Variants in RBM19 observed in about 807,000 individuals in gnomAD.
RBM19 encodes probable RNA-binding protein 19.
Under a neutral mutation model 116.8 loss-of-function variants are expected in RBM19, and 94 were observed. The observed-to-expected ratio is 0.80, with a 90% confidence interval of 0.68 to 0.95. The LOEUF (loss-of-function observed/expected upper bound fraction) is 0.95, where lower values mean the gene tolerates loss of function less well. Ranked by LOEUF, RBM19 falls within the 40% of genes least tolerant of loss-of-function variation. The pLI is 0.00. For synonymous variants in RBM19, 475 were observed against 494.1 expected (o/e 0.96, Z 0.51); for missense variants, 1,161 against 1,220.7 (o/e 0.95, Z 0.73).
intron 18 of RBM19, among the ~76,000 whole-genome samples, chr12:113,924,001 T>C (rs1174319022): frequency 1.3e-5 from 2 of 152,202 alleles, no homozygotes; most frequent in Non-Finnish European, 2.9e-5. Context: ...GGCTGACACA[T>C]GTAGCATTCC....
At chr12:113,914,294 C>A (rs1882634683) in intron 21 of RBM19, among the ~76,000 whole-genome samples, 1 of 152,260 alleles carries the variant, frequency 6.6e-6, no homozygotes, top group Non-Finnish European at 1.5e-5. Flanking sequence ...CCCCACCCAG[C>A]CTGCTGCCGT....
Position 113,957,802 on chromosome 12 carries a change from GTC to G in RBM19, c.818_819del (p.Arg273ThrfsTer59), listed in dbSNP as rs759321466. ...QEQGMPAGKK[R>X]PPEARAETEK... ...CGCACCTCGGCTCTGGCCTCCGGTG[GTC>G]TCTTTTTCCCAGCTGGCATCCCTTG... is the stretch of plus-strand genomic sequence containing the variant. On this transcript the variant is annotated frameshift_variant, in exon 6 of 24. Transcript: ENST00000261741. LOFTEE classifies it high-confidence loss of function. The G allele has an allele frequency of 6.2e-7, 1 of 1,601,528 alleles. No homozygotes were observed. Among genetic ancestry groups the G allele is most frequent in the South Asian group, 1.1e-5 (1 of 89,494 alleles).
At chr12:113,862,751 CCA>C (rs1424169482) in intron 21 of RBM19, among the ~76,000 whole-genome samples, 2 of 152,114 alleles carry the variant, frequency 1.3e-5, no homozygotes, top group African/African-American at 2.4e-5. Flanking sequence ...GAGATGCACA[CCA>C]CACTCCCCAC....
At chr12:113,943,723 T>C (rs993234906) in intron 13 of RBM19, among the ~76,000 whole-genome samples, 5 of 152,070 alleles carry the variant, frequency 3.3e-5, no homozygotes, top group African/African-American at 1.2e-4. Context: ...CTTGGGAGGC[T>C]GAGGCTGGAG....
At chr12:113,819,037 T>C (rs1874248975), downstream of RBM19, among the ~76,000 whole-genome samples, 1 of 152,210 alleles carries the variant, frequency 6.6e-6, no homozygotes, top group Admixed American at 6.5e-5. Flanking sequence ...AGGCGCCCGC[T>C]AGTGCCCACT....
intron 20 of RBM19, among the ~76,000 whole-genome samples, chr12:113,917,400 G>A (rs915604809): frequency 3.9e-5 from 6 of 152,150 alleles, no homozygotes; most frequent in Non-Finnish European, 8.8e-5. Flanking sequence ...CTACAGGTGT[G>A]GGGCTCAAAG....
chr12:113,885,943 A>G (rs938445879), intron 21 of RBM19, among the ~76,000 whole-genome samples: 1 of 140,518 alleles, frequency 7.1e-6, no homozygotes, highest in Admixed American at 7.9e-5. Context: ...ATCTTGGCTC[A>G]CTGCAAGCTC....
chr12:113,950,530 C>G (rs1314050719), intron 8 of RBM19, among the ~76,000 whole-genome samples: 1 of 152,182 alleles, frequency 6.6e-6, no homozygotes, highest in African/African-American at 2.4e-5. Flanking sequence ...CTGGAAGCAC[C>G]TTCTCCACAC....
At chr12:113,914,062 C>T (rs911775953) in intron 21 of RBM19, among the ~76,000 whole-genome samples, 2 of 152,226 alleles carry the variant, frequency 1.3e-5, no homozygotes, top group African/African-American at 2.4e-5. Context: ...ATCTGAAAAG[C>T]CAAACACTGT....
intron 21 of RBM19, among the ~76,000 whole-genome samples, chr12:113,891,711 C>T (rs959806126): frequency 6.6e-6 from 1 of 152,182 alleles, no homozygotes; most frequent in Non-Finnish European, 1.5e-5. Context: ...AGCTACTGCT[C>T]TGCTATATTA....
chr12:113,908,031 G>A (rs1387560025), intron 21 of RBM19, among the ~76,000 whole-genome samples: 3 of 152,146 alleles, frequency 2.0e-5, no homozygotes, highest in African/African-American at 4.8e-5. Flanking sequence ...GACACCTGGG[G>A]TCAGCCTCAT....
rs986904479 is a variant in RBM19, at chr12:113,912,203, G to A, written c.2558+2766C>T. ...GCCTTCTCTCCCCTCCAGCAGGCGGGGTAGCTTGAGGCCCTGCCCAGAGAA... is the reference window on the plus strand; with the variant it reads ...GCCTTCTCTCCCCTCCAGCAGGCGGAGTAGCTTGAGGCCCTGCCCAGAGAA... On this transcript the variant is annotated intron_variant, in intron 21 of 23. Transcript: ENST00000261741. Among the ~76,000 whole-genome samples the A allele has an allele frequency of 2.0e-5, 3 of 152,182 alleles. No homozygotes were observed. In the South Asian group the frequency reaches 6.2e-4, roughly 31 times the overall value.
intron 23 of RBM19, among the ~76,000 whole-genome samples, chr12:113,831,610 C>T (rs1005207512): frequency 3.9e-5 from 6 of 152,208 alleles, no homozygotes; most frequent in Non-Finnish European, 8.8e-5. Flanking sequence ...CTGGCTTCCC[C>T]GTTAGCCCTA....
chr12:113,927,599 A>AC (rs199813636), intron 16 of RBM19, among the ~76,000 whole-genome samples: 12,554 of 119,346 alleles, frequency 0.11, 675 homozygotes, highest in East Asian at 0.34. Flanking sequence ...AACAAAAAAA[A>AC]AAAAACAAAA....
intron 21 of RBM19, among the ~76,000 whole-genome samples, chr12:113,891,417 GGGAGGGGGCTGACAGCA>G (rs1217251518): frequency 1.3e-5 from 2 of 152,340 alleles, no homozygotes; most frequent in African/African-American, 4.8e-5. Context: ...TTCTCCAGCA[GGGAGGGGGCTGACAGCA>G]GGAGAGGGCA....
At chr12:113,944,704 G>A (rs1438330963) in intron 13 of RBM19, among the ~76,000 whole-genome samples, 1 of 151,846 alleles carries the variant, frequency 6.6e-6, no homozygotes, top group Non-Finnish European at 1.5e-5. Flanking sequence ...TGAGGTGGGA[G>A]GACTGCTTTA....
At chr12:113,895,760 T>G (rs920889391) in intron 21 of RBM19, among the ~76,000 whole-genome samples, 1 of 151,930 alleles carries the variant, frequency 6.6e-6, no homozygotes, top group East Asian at 1.9e-4. Flanking sequence ...AACATATTCA[T>G]GTTTTAATTG....
chr12:113,855,577 C>T (rs1047279001), intron 22 of RBM19, among the ~76,000 whole-genome samples: 1 of 152,104 alleles, frequency 6.6e-6, no homozygotes, highest in African/African-American at 2.4e-5. Flanking sequence ...TGAACTGAGC[C>T]CTGGGAAGGG....
intron 23 of RBM19, among the ~76,000 whole-genome samples, chr12:113,843,878 C>G (rs968807822): frequency 2.6e-5 from 4 of 152,252 alleles, no homozygotes; most frequent in African/African-American, 9.6e-5. Flanking sequence ...ATGCTGTCCT[C>G]CCTGTTTCTC....
Sources: gnomAD v4.1 joint callset for allele counts (sites outside exome capture counted in the v4.1 genomes callset) on GRCh38, gnomAD v4.1.1 for gene constraint, MANE v1.5 for transcripts, NCBI Gene and HGNC (gene_info 2026-07-23, HGNC 2026-07-21) for gene names.